The following STK3 variants were observed in gnomAD, a reference collection of about 807,000 sequenced individuals.
STK3 encodes serine/threonine kinase 3.
A neutral mutation model predicts 58.0 loss-of-function variants in STK3; 41 were observed. The ratio of observed to expected loss-of-function variants is 0.71; its 90% CI spans 0.55 to 0.92. The LOEUF (loss-of-function observed/expected upper bound fraction) is 0.92. STK3 is among the 40% of genes least tolerant of loss of function. The probability of loss-of-function intolerance (pLI) is 0.00; values close to 1 mark genes in which losing one functional copy is unlikely to be tolerated. For synonymous variants in STK3, 170 were observed against 191.0 expected (o/e 0.89, Z 0.91); for missense variants, 479 against 602.7 (o/e 0.79, Z 2.15).
chr8:98,458,438 T>C (rs1819675660), intron 10 of STK3, among the ~76,000 whole-genome samples: 1 of 152,190 alleles, frequency 6.6e-6, no homozygotes, highest in Non-Finnish European at 1.5e-5. Context: ...TTACTATTAT[T>C]ATTATTAATT....
intron 1 of STK3, among the ~76,000 whole-genome samples, chr8:98,887,989 A>T (rs888055575): frequency 6.6e-6 from 1 of 152,154 alleles, no homozygotes; most frequent in African/African-American, 2.4e-5. Flanking sequence ...AAGCAGAGGG[A>T]TGGCTGAATA....
chr8:98,736,084 T>C lies in STK3; in HGVS notation c.351+13192A>G, dbSNP rs183952843. On this transcript the variant is annotated intron_variant, in intron 4 of 10. Transcript: ENST00000419617. ...AACAGCCAATACAAATATGAAAAGA[T>C]AGCCTACCTAATAGTCAAAATAAAC... Among the ~76,000 whole-genome samples, 1,060 of 152,208 alleles carry C rather than the reference T, an allele frequency of 7.0e-3. 8 individuals are homozygous for C. Among genetic ancestry groups the C allele is most frequent in the African/African-American group, 0.023 (970 of 41,540 alleles).
At chr8:98,760,206 A>C (rs1311474662) in intron 3 of STK3, among the ~76,000 whole-genome samples, 2 of 152,286 alleles carry the variant, frequency 1.3e-5, no homozygotes, top group East Asian at 3.9e-4. Context: ...CAGTGGCACA[A>C]TCATAGCTCA....
At chr8:98,422,108 G>C (rs1359434545) in intron 3 of STK3, among the ~76,000 whole-genome samples, 1 of 152,176 alleles carries the variant, frequency 6.6e-6, no homozygotes, top group Non-Finnish European at 1.5e-5. Flanking sequence ...AGTCAAATGG[G>C]GGAGTGGCCT....
intron 4 of STK3, chr8:98,722,935 C>A: frequency 2.0e-6 from 1 of 492,564 alleles, no homozygotes; most frequent in Non-Finnish European, 4.0e-6. Context: ...CAAATCACAG[C>A]TAGCACTTCC....
At chr8:98,887,539 A>T (rs1255736471) in intron 1 of STK3, among the ~76,000 whole-genome samples, 1 of 152,222 alleles carries the variant, frequency 6.6e-6, no homozygotes, top group African/African-American at 2.4e-5. Flanking sequence ...CTAGTAAAAC[A>T]ACATTCAGCA....
chr8:98,929,454 T>A (rs1338569924), intron 1 of STK3, among the ~76,000 whole-genome samples: 1 of 152,122 alleles, frequency 6.6e-6, no homozygotes, highest in Non-Finnish European at 1.5e-5. Flanking sequence ...CTCAGGAGTT[T>A]GAGACTAGCC....
intron 1 of STK3, among the ~76,000 whole-genome samples, chr8:98,886,787 T>A (rs1838006978): frequency 6.6e-6 from 1 of 152,124 alleles, no homozygotes. Flanking sequence ...CCTACACACA[T>A]CCTCCTGAAT....
intron 1 of STK3, among the ~76,000 whole-genome samples, chr8:98,912,171 G>A (rs1443733529): frequency 6.6e-6 from 1 of 152,120 alleles, no homozygotes; most frequent in Non-Finnish European, 1.5e-5. Context: ...ATGAGGTCAG[G>A]AATTCAAGAT....
chr8:98,401,847 A>T (rs1201171669), intron 3 of STK3, among the ~76,000 whole-genome samples: 1 of 152,176 alleles, frequency 6.6e-6, no homozygotes, highest in African/African-American at 2.4e-5. Flanking sequence ...TTCCAAACTT[A>T]AGCATATCAA....
chr8:98,741,548 G>C (rs527760520), intron 4 of STK3, among the ~76,000 whole-genome samples: 3 of 152,270 alleles, frequency 2.0e-5, no homozygotes, highest in South Asian at 4.1e-4. Context: ...TAAAACCAAT[G>C]AGAACAAAGA....
chr8:98,729,350 T>G (rs1301705723), intron 4 of STK3, among the ~76,000 whole-genome samples: 2 of 152,156 alleles, frequency 1.3e-5, no homozygotes, highest in Non-Finnish European at 2.9e-5. Flanking sequence ...GCCCAAGTGA[T>G]CTCCCCGCCT....
chr8:98,506,984 A>G (rs573059574), intron 10 of STK3, among the ~76,000 whole-genome samples: 74 of 152,254 alleles, frequency 4.9e-4, no homozygotes, highest in Non-Finnish European at 4.0e-4. Context: ...AAGCCACTCA[A>G]TTTGTGGTAA....
chr8:98,421,072 T>TG (rs1477450702), intron 3 of STK3, among the ~76,000 whole-genome samples: 1 of 152,098 alleles, frequency 6.6e-6, no homozygotes, highest in Non-Finnish European at 1.5e-5. Flanking sequence ...CCTGTTGTGG[T>TG]GGGTGGTAGT....
chr8:98,715,485 A>G (rs1387771031), intron 4 of STK3, among the ~76,000 whole-genome samples: 1 of 152,194 alleles, frequency 6.6e-6, no homozygotes. Flanking sequence ...ATGAACAGAC[A>G]CTTCTCAAAA....
intron 1 of STK3, among the ~76,000 whole-genome samples, chr8:98,808,322 GA>G (rs1186092573): frequency 6.6e-6 from 1 of 152,218 alleles, no homozygotes; most frequent in African/African-American, 2.4e-5. Context: ...CAAAACACAT[GA>G]AACAGCTCAG....
chr8:98,589,693 C>A (rs942827842), intron 7 of STK3, among the ~76,000 whole-genome samples: 2 of 152,266 alleles, frequency 1.3e-5, no homozygotes, highest in Non-Finnish European at 2.9e-5. Flanking sequence ...GCCCCTCCCC[C>A]AGCCTAGCTG....
chr8:98,786,918 C>A (rs1563999873), intron 1 of STK3, among the ~76,000 whole-genome samples: 1 of 152,044 alleles, frequency 6.6e-6, no homozygotes, highest in Non-Finnish European at 1.5e-5. Flanking sequence ...CGCCTGTAAT[C>A]CCAGCACTTT....
intron 3 of STK3, among the ~76,000 whole-genome samples, chr8:98,840,965 A>C (rs1835958418): frequency 6.6e-6 from 1 of 152,130 alleles, no homozygotes; most frequent in African/African-American, 2.4e-5. Context: ...TCAGTTCCTC[A>C]TGGGTGCTGA....
Sources: gnomAD v4.1 joint callset for allele counts (sites outside exome capture counted in the v4.1 genomes callset) on GRCh38, gnomAD v4.1.1 for gene constraint, MANE v1.5 for transcripts, NCBI Gene and HGNC (gene_info 2026-07-23, HGNC 2026-07-21) for gene names.